Variants in SIAE observed in about 807,000 individuals in gnomAD.
SIAE encodes sialate O-acetylesterase.
Under a neutral mutation model 52.6 loss-of-function variants are expected in SIAE, and 39 were observed. The observed-to-expected ratio is 0.74, with a 90% CI of 0.57 to 0.97. The LOEUF is 0.97. SIAE is among the 50% of genes least tolerant of loss of function. The pLI is 0.00. For missense variants in SIAE, 592 were observed against 662.1 expected (o/e 0.89, Z 1.16); for synonymous variants, 233 against 241.4 (o/e 0.97, Z 0.32).
Position 124,660,613 on chromosome 11 carries a change from G to A in SIAE, c.405+15C>T, listed in dbSNP as rs1943171970. 4.3e-6 allele frequency: 7 copies of A among 1,613,440 alleles called. No individual in the cohort carries two copies. The highest frequency in any genetic ancestry group is 5.9e-6 in the Non-Finnish European group (7 of 1,179,678). ...CACCAACACTGTGTATTATTGCTGAGACTCTGCAAATTACCTGTAACACAG... is the reference window on the plus strand; with the variant it reads ...CACCAACACTGTGTATTATTGCTGAAACTCTGCAAATTACCTGTAACACAG... On this transcript the variant is annotated intron_variant, in intron 3 of 9. Transcript: ENST00000263593.
intron 3 of SIAE, among the ~76,000 whole-genome samples, 159 bp from the exon 4 acceptor site, chr11:124,654,952 T>G (rs964662283): frequency 3.9e-5 from 6 of 152,028 alleles, no homozygotes; most frequent in African/African-American, 1.4e-4. Flanking sequence ...TTGATCCACT[T>G]TTACCAAAAG....
intron 7 of SIAE, among the ~76,000 whole-genome samples, chr11:124,640,600 A>G (rs1482112016): frequency 6.6e-6 from 1 of 152,174 alleles, no homozygotes; most frequent in Non-Finnish European, 1.5e-5. Context: ...AGCAGAGAAG[A>G]ATCTGCCCTT....
At position 124,655,174 on chromosome 11, in the gene SIAE, C is replaced by CT. The variant is rs766294261; in HGVS notation, c.406-382dup. On this transcript the variant is annotated intron_variant, in intron 3 of 9. Coordinates refer to ENST00000263593, the MANE Select transcript of SIAE (RefSeq NM_170601.5). Reference sequence around the variant, plus strand: ...ACAAAACCAGACCAATTAACTTCTTCTTTTTTTTTTTTTTTTGTGTGTGAG... The same window carrying CT: ...ACAAAACCAGACCAATTAACTTCTTCTTTTTTTTTTTTTTTTTGTGTGTGAG... 9.6e-3 allele frequency among the ~76,000 whole-genome samples: 1,296 copies of CT among 135,030 alleles called. 29 individuals are homozygous for CT. The highest frequency in any genetic ancestry group is 0.028 in the African/African-American group (905 of 32,906). The allele number at this position is 135,030 out of a possible 152,430, so 88.6% of individuals were successfully genotyped here. A position where few individuals can be genotyped will look rare whatever the true frequency, so the allele number is the denominator to read the frequency against.
rs1555097292 is a variant in SIAE at position 124,649,419 on chromosome 11, C to CA, written c.722+199_722+200insT. ...ATTACTATTACTGGGGGAAAAGATA[C>CA]TTTTTTTTTACATGTTCTCAAACGA... On this transcript the variant is annotated intron_variant, in intron 5 of 9. Transcript: ENST00000263593. Among the ~76,000 whole-genome samples the CA allele has an allele frequency of 2.6e-5, 4 of 151,254 alleles. No homozygotes were observed. The East Asian group carries it at 7.7e-4, about 29-fold the overall frequency.
chr11:124,655,300 C>T (rs769826876), intron 3 of SIAE, among the ~76,000 whole-genome samples: 3 of 152,080 alleles, frequency 2.0e-5, no homozygotes, highest in African/African-American at 7.2e-5. Context: ...CTCAGCCTCC[C>T]GAGTAGCTGG....
rs754286154 is a variant in SIAE at position 124,638,629 on chromosome 11, C to G, written c.1233G>C (p.Lys411Asn). 2 of 1,614,152 alleles carry G rather than the reference C, an allele frequency of 1.2e-6. No homozygotes were observed. Among genetic ancestry groups the G allele is most frequent in the South Asian group, 2.2e-5 (2 of 91,074 alleles). The change falls in exon 9 of 10, where the codon AAG (lysine) becomes AAC (asparagine). Residue 411 changes from lysine (K) to asparagine (N), a missense_variant. Physicochemically the swap from Lys to Asn is moderately conservative, Grantham distance 94. Coordinates refer to ENST00000263593, the MANE Select transcript of SIAE (RefSeq NM_170601.5). ...NLTFEGPLPEKIELLAHKGLL... is the reference protein window; with the variant it reads ...NLTFEGPLPENIELLAHKGLL... ...GCCCCTTGTGAGCCAAGAGTTCTATCTTCTCAGGCAGTGGTCCTTCAAAGG... is the reference window on the plus strand; with the variant it reads ...GCCCCTTGTGAGCCAAGAGTTCTATGTTCTCAGGCAGTGGTCCTTCAAAGG...
chr11:124,675,888 A>G (rs1014546941), upstream of SIAE: 1 of 154,610 alleles, frequency 6.5e-6, no homozygotes, highest in Admixed American at 6.4e-5. Context: ...CACTCTTTAA[A>G]TAAACTGATA....
rs1329834207 is a variant in SIAE at position 124,670,946 on chromosome 11, T to G, written c.68-1425A>C. 6.6e-6 allele frequency among the ~76,000 whole-genome samples: 1 copy of G among 152,154 alleles called. No individual in the cohort carries two copies. The highest frequency in any genetic ancestry group is 1.9e-4 in the East Asian group (1 of 5,194). On this transcript the variant is annotated intron_variant, in intron 1 of 9. Transcript: ENST00000263593. This position sits in a 1 kb window ranked among gnomAD's most constrained non-coding sequence, Gnocchi z 4.5. ...GGCACATGTGTGGGAGGGCCTTGTCTTGGGTAGGTGCTTCATATGGAACCA... is the reference window on the plus strand; with the variant it reads ...GGCACATGTGTGGGAGGGCCTTGTCGTGGGTAGGTGCTTCATATGGAACCA...
rs1270492060 is a variant in SIAE, at chr11:124,654,884, C to T, written c.406-91G>A. 7 of 1,458,956 alleles carry T rather than the reference C, an allele frequency of 4.8e-6. No homozygotes were observed. In the East Asian group the frequency reaches 6.8e-5, roughly 14 times the overall value. The allele number at this position is 1,458,956 out of a possible 1,614,324, so 90.4% of individuals were successfully genotyped here. ...AACATCAGTCCTCTGAGCTCCTGAGCTTTCAATATACTGAGATCAAATTAA... is the reference window on the plus strand; with the variant it reads ...AACATCAGTCCTCTGAGCTCCTGAGTTTTCAATATACTGAGATCAAATTAA... On this transcript the variant is annotated intron_variant, in intron 3 of 9. Coordinates refer to ENST00000263593, the MANE Select transcript of SIAE (RefSeq NM_170601.5).
At chr11:124,651,561 A>G (rs1332263717) in intron 4 of SIAE, among the ~76,000 whole-genome samples, 1 of 152,100 alleles carries the variant, frequency 6.6e-6, no homozygotes, top group East Asian at 1.9e-4. Flanking sequence ...AAAAAAAAAA[A>G]AAGAGTAAGA....
chr11:124,672,846 C>T (rs540402005), intron 1 of SIAE, among the ~76,000 whole-genome samples: 33 of 152,272 alleles, frequency 2.2e-4, no homozygotes, highest in African/African-American at 7.9e-4. Flanking sequence ...CCCCAACTAT[C>T]ATTTCTTAAC....
chr11:124,660,437 A>G (rs1193489472), intron 3 of SIAE, 191 bp downstream of exon 3: 1 of 689,658 alleles, frequency 1.4e-6, no homozygotes, highest in African/African-American at 1.8e-5. Flanking sequence ...CTACCAATTT[A>G]ATCAATAGCT....
chr11:124,646,539 C>T (rs920365560), intron 7 of SIAE, among the ~76,000 whole-genome samples: 2 of 131,064 alleles, frequency 1.5e-5, no homozygotes, highest in Non-Finnish European at 3.1e-5. Flanking sequence ...TGAGAGAGCA[C>T]GGTGGATTCC....
intron 2 of SIAE, among the ~76,000 whole-genome samples, chr11:124,665,192 T>G (rs1157668126): frequency 6.6e-6 from 1 of 152,216 alleles, no homozygotes; most frequent in East Asian, 1.9e-4. Flanking sequence ...TGTGACTGGC[T>G]TCCAACCAAC....
At position 124,636,845 on chromosome 11, in the gene SIAE, GCTTT is replaced by G. The variant is rs1419836455; in HGVS notation, c.*102_*105del. On this transcript the variant is annotated 3_prime_UTR_variant, in exon 10 of 10. Transcript: ENST00000263593. ...TGCTAGCTGAAAGCCATTCAATGAGGCTTTCTATTAATTTCCTTTAAAAGCAATG... is the reference window on the plus strand; with the variant it reads ...TGCTAGCTGAAAGCCATTCAATGAGGCTATTAATTTCCTTTAAAAGCAATG... 37 of 1,510,602 alleles carry G rather than the reference GCTTT, an allele frequency of 2.4e-5. No homozygotes were observed. Among genetic ancestry groups the G allele is most frequent in the Middle Eastern group, 2.3e-4 (1 of 4,280 alleles). The allele number at this position is 1,510,602 out of a possible 1,614,324, so 93.6% of individuals were successfully genotyped here. A position where few individuals can be genotyped will look rare whatever the true frequency, so the allele number is the denominator to read the frequency against.
At chr11:124,650,633 C>T (rs192126978) in intron 4 of SIAE, among the ~76,000 whole-genome samples, 107 of 152,066 alleles carry the variant, frequency 7.0e-4, no homozygotes, top group Middle Eastern at 3.4e-3. Flanking sequence ...ATTAGCTGGG[C>T]GTGGTGGTGG....
At chr11:124,659,661 G>T (rs757549128) in intron 3 of SIAE, 4 of 106,680 alleles carry the variant, frequency 3.7e-5, no homozygotes, top group Non-Finnish European at 5.6e-5. Context: ...GGGGGGGGGG[G>T]CTTCCGTATA....
Position 124,661,844 on chromosome 11 carries a change from T to A in SIAE, c.230-1041A>T, listed in dbSNP as rs527876791. 8.5e-5 allele frequency among the ~76,000 whole-genome samples: 13 copies of A among 152,332 alleles called. No homozygotes were observed. The South Asian group carries it at 2.7e-3, about 32-fold the overall frequency. On this transcript the variant is annotated intron_variant, in intron 2 of 9. Coordinates refer to ENST00000263593, the MANE Select transcript of SIAE (RefSeq NM_170601.5). ...AATGATAAGAACTGGAAATGGAGCATCCTAAAATGATTACATCCAATCTAT... is the reference window on the plus strand; with the variant it reads ...AATGATAAGAACTGGAAATGGAGCAACCTAAAATGATTACATCCAATCTAT...
chr11:124,667,911 TC>T (rs1307425265), intron 2 of SIAE, among the ~76,000 whole-genome samples: 6 of 152,262 alleles, frequency 3.9e-5, no homozygotes, highest in African/African-American at 1.4e-4. Flanking sequence ...CTCTATGAGG[TC>T]AAACCCTCAT....
Sources: gnomAD v4.1 joint callset for allele counts (sites outside exome capture counted in the v4.1 genomes callset) on GRCh38, gnomAD v4.1.1 for gene constraint, Gnocchi (gnomAD v3.1) non-coding constraint, MANE v1.5 for transcripts, NCBI Gene and HGNC (gene_info 2026-07-23, HGNC 2026-07-21) for gene names.